The following BBOF1 variants were observed in gnomAD, a reference collection of about 807,000 sequenced individuals.
BBOF1 encodes basal body orientation factor 1.
In BBOF1, 62 loss-of-function variants were observed where a neutral mutation model predicts 68.0. That is an observed-to-expected ratio of 0.91 (90% CI 0.74 to 1.13). The LOEUF (loss-of-function observed/expected upper bound fraction) is 1.13, where lower values mean the gene tolerates loss of function less well. Ranked by LOEUF, BBOF1 falls within the 50% of genes most tolerant of loss-of-function variation. The probability of loss-of-function intolerance (pLI) is 0.00; values close to 1 mark genes in which losing one functional copy is unlikely to be tolerated. For synonymous variants in BBOF1, 208 were observed against 198.8 expected, an observed-to-expected ratio of 1.05 and a Z score of -0.39; for missense variants, 534 against 600.1, an observed-to-expected ratio of 0.89 and a Z score of 1.15.
intron 2 of BBOF1, among the ~76,000 whole-genome samples, chr14:74,027,811 A>G (rs921476346): frequency 2.0e-5 from 3 of 152,132 alleles, no homozygotes; most frequent in African/African-American, 7.2e-5. Context: ...TATTCTTTTT[A>G]AAAAGTCAAT....
At chr14:74,039,189 G>A (rs2059777310) in intron 4 of BBOF1, among the ~76,000 whole-genome samples, 1 of 152,120 alleles carries the variant, frequency 6.6e-6, no homozygotes, top group Admixed American at 6.5e-5. Context: ...TTACAAAAGT[G>A]AAGTCATGAT....
Position 74,075,007 on chromosome 14 carries a change from T to G in BBOF1, n.1380-3189T>G. ...ATACCAGGTGGGACTGGATTTCACC[T>G]TGGAAGAAACCTGTGAGGCAAAAGA... On this transcript the variant is annotated intron_variant and non_coding_transcript_variant, in intron 9 of 12. Transcript: ENST00000492026. The G allele has an allele frequency of 6.2e-7, 1 of 1,614,024 alleles. No individual in the cohort carries two copies. The highest frequency in any genetic ancestry group is 8.5e-7 in the Non-Finnish European group (1 of 1,179,958).
At chr14:74,030,761 T>A (rs898858106) in intron 3 of BBOF1, among the ~76,000 whole-genome samples, 2 of 152,060 alleles carry the variant, frequency 1.3e-5, no homozygotes, top group Non-Finnish European at 2.9e-5. Context: ...CCTCCCAAAG[T>A]GCTGAGAAAT....
downstream of BBOF1, chr14:74,067,608 C>T: frequency 6.2e-7 from 1 of 1,601,178 alleles, no homozygotes. Context: ...TCTTCCTTGG[C>T]CAAATACAAC....
At chr14:74,056,637 G>C (rs1167535673) in intron 9 of BBOF1, among the ~76,000 whole-genome samples, 1 of 152,016 alleles carries the variant, frequency 6.6e-6, no homozygotes, top group Non-Finnish European at 1.5e-5. Context: ...CCCCTGGCCA[G>C]TTATACATTT....
At position 74,049,994 on chromosome 14, in the gene BBOF1, T is replaced by A. The variant is rs1410740941; in HGVS notation, c.1085T>A (p.Phe362Tyr). 1 of 1,614,034 alleles carries A rather than the reference T, an allele frequency of 6.2e-7. No individual in the cohort carries two copies. Among genetic ancestry groups the A allele is most frequent in the Non-Finnish European group, 8.5e-7 (1 of 1,180,056 alleles). ...GATGAGAGAACAGAAGTGGAAAGAT[T>A]CTTTTTAGATGCTCTGCACCAAGTG... Reference protein sequence around the residue: ...ILDERTEVERFFLDALHQVKQ... With the variant: ...ILDERTEVERYFLDALHQVKQ... Residue 362 changes from phenylalanine (F) to tyrosine (Y), a missense_variant, in exon 8 of 12, where the codon TTC (phenylalanine) becomes TAC (tyrosine). By Grantham distance (22) the Phe-to-Tyr change is conservative. Transcript: ENST00000394009.
chr14:74,035,584 A>ATTTTTTTTTTTTTTTTTT lies in BBOF1; in HGVS notation c.495+1424_495+1441dup, dbSNP rs71460945. ...AGGCGTGCACCACCACCCCCAGCTA[A>ATTTTTTTTTTTTTTTTTT]TTTTTTTTTTTTTTTTTTTTTTTTT... On this transcript the variant is annotated intron_variant, in intron 4 of 11. Transcript: ENST00000394009. Among the ~76,000 whole-genome samples the ATTTTTTTTTTTTTTTTTT allele has an allele frequency of 7.1e-4, 58 of 81,392 alleles. 5 individuals are homozygous for ATTTTTTTTTTTTTTTTTT. The highest frequency in any genetic ancestry group is 3.5e-3 in the African/African-American group (55 of 15,658). The allele number at this position is 81,392 out of a possible 152,430, so 53.4% of individuals were successfully genotyped here.
At chr14:74,026,633 T>A (rs1047345409) in intron 2 of BBOF1, among the ~76,000 whole-genome samples, 1 of 151,738 alleles carries the variant, frequency 6.6e-6, no homozygotes, top group Non-Finnish European at 1.5e-5. Context: ...TAATAAATAA[T>A]AGCAAAAATG....
rs1223786383 is a variant in BBOF1 at position 74,031,237 on chromosome 14, G to A, written c.351+1988G>A. Among the ~76,000 whole-genome samples the A allele has an allele frequency of 4.0e-5, 6 of 151,444 alleles. No homozygotes were observed. The East Asian group carries it at 5.8e-4, about 15-fold the overall frequency. ...CAAGGGATCCTCCCACCCAGCCTCCGGAGTAGCTGGAACTGTAGGCGAGTA... is the reference window on the plus strand; with the variant it reads ...CAAGGGATCCTCCCACCCAGCCTCCAGAGTAGCTGGAACTGTAGGCGAGTA... On this transcript the variant is annotated intron_variant, in intron 3 of 11. Coordinates refer to ENST00000394009, the MANE Select transcript of BBOF1 (RefSeq NM_025057.3).
downstream of BBOF1, chr14:74,067,259 T>C (rs112490858): frequency 1.9e-5 from 22 of 1,171,324 alleles, no homozygotes; most frequent in African/African-American, 2.1e-4. Flanking sequence ...AAGTACAGTA[T>C]AAAGAGAGGA....
chr14:74,026,939 A>G (rs913832136), intron 2 of BBOF1, among the ~76,000 whole-genome samples: 3 of 152,044 alleles, frequency 2.0e-5, no homozygotes, highest in Non-Finnish European at 4.4e-5. Context: ...GGAAAAAAAA[A>G]AAATGGCAAA....
intron 3 of BBOF1, 60 bp from the exon 4 acceptor site, chr14:74,033,968 C>T: frequency 1.4e-6 from 2 of 1,411,924 alleles, no homozygotes; most frequent in Admixed American, 4.8e-5. Flanking sequence ...TCAAATGAAA[C>T]ATGACTTTGT....
At chr14:74,041,338 C>T (rs2059822025) in intron 5 of BBOF1, among the ~76,000 whole-genome samples, 1 of 152,128 alleles carries the variant, frequency 6.6e-6, no homozygotes, top group South Asian at 2.1e-4. Context: ...ACACAGCTTC[C>T]AACTCCAACT....
intron 4 of BBOF1, among the ~76,000 whole-genome samples, chr14:74,036,407 G>T (rs2059700483): frequency 6.6e-6 from 1 of 152,110 alleles, no homozygotes; most frequent in Non-Finnish European, 1.5e-5. Flanking sequence ...TTTCGGTGAG[G>T]CACAGTGGCT....
At chr14:74,031,520 G>A (rs1449925786) in intron 3 of BBOF1, among the ~76,000 whole-genome samples, 1 of 152,012 alleles carries the variant, frequency 6.6e-6, no homozygotes, top group Non-Finnish European at 1.5e-5. Context: ...CATAGACTGA[G>A]GTGCTCAAAC....
chr14:74,024,916 CTTTAT>C (rs2059391336), intron 2 of BBOF1, among the ~76,000 whole-genome samples: 2 of 151,940 alleles, frequency 1.3e-5, no homozygotes, highest in South Asian at 4.2e-4. Context: ...AAATTTCTAT[CTTTAT>C]TTTATTTTAT....
chr14:74,071,539 A>G (rs374266335), intron 9 of BBOF1: 6 of 1,612,572 alleles, frequency 3.7e-6, no homozygotes, highest in South Asian at 1.1e-5. Context: ...CACACTGTGT[A>G]CTAGTTAGCT....
chr14:74,037,803 A>C (rs948680237), intron 4 of BBOF1, among the ~76,000 whole-genome samples: 3 of 151,884 alleles, frequency 2.0e-5, no homozygotes, highest in African/African-American at 4.8e-5. Flanking sequence ...AAAATACAAA[A>C]TTACCTGGGC....
intron 3 of BBOF1, among the ~76,000 whole-genome samples, chr14:74,033,719 A>G (rs1024943799): frequency 3.3e-5 from 5 of 152,078 alleles, no homozygotes; most frequent in Non-Finnish European, 5.9e-5. Context: ...TACTAAAAAT[A>G]TAAAAAAATC....
Sources: allele counts gnomAD v4.1 joint callset (sites outside exome capture counted in the v4.1 genomes callset), GRCh38; gene constraint gnomAD v4.1.1; transcripts MANE v1.5; gene names NCBI Gene and HGNC (gene_info 2026-07-23, HGNC 2026-07-21).